The following MTCL1 variants were observed in gnomAD, a reference collection of about 807,000 sequenced individuals.
MTCL1 encodes microtubule crosslinking factor 1.
Under a neutral mutation model 141.4 loss-of-function variants are expected in MTCL1, and 79 were observed. The observed-to-expected ratio is 0.56, with a 90% CI of 0.47 to 0.67. The LOEUF (loss-of-function observed/expected upper bound fraction) is 0.67. MTCL1 is among the 30% of genes least tolerant of loss of function. The probability of loss-of-function intolerance (pLI) is 0.00; values close to 1 mark genes in which losing one functional copy is unlikely to be tolerated. For missense variants in MTCL1, 2,177 were observed against 2,113.9 expected (o/e 1.03, Z -0.59); for synonymous variants, 914 against 875.8 (o/e 1.04, Z -0.77).
chr18:8,824,981 A>C, exon 15 of MTCL1: 6 of 1,613,422 alleles, frequency 3.7e-6, no homozygotes, highest in Non-Finnish European at 5.1e-6. Flanking sequence ...CCTGGTACCT[A>C]ACCACAAGTG....
intron 16 of MTCL1, chr18:8,831,276 G>A (rs1403211214): frequency 1.6e-5 from 18 of 1,131,280 alleles, no homozygotes; most frequent in Non-Finnish European, 1.6e-5. Context: ...ATGATGAAGT[G>A]GCCTGTGGAG....
intron 14 of MTCL1, among the ~76,000 whole-genome samples, chr18:8,821,834 T>TTTTGTATG (rs2076855929): frequency 6.6e-6 from 1 of 152,200 alleles, no homozygotes; most frequent in Non-Finnish European, 1.5e-5. Context: ...CTGGGAAAAC[T>TTTTGTATG]CTCTTTTGTA....
At chr18:8,827,758 A>G (rs959667273) in intron 15 of MTCL1, among the ~76,000 whole-genome samples, 4 of 152,238 alleles carry the variant, frequency 2.6e-5, no homozygotes, top group Admixed American at 2.6e-4. Flanking sequence ...CCAAATAGAA[A>G]TTATTCTTTA....
chr18:8,776,577 T>G (rs1226209384), intron 4 of MTCL1, among the ~76,000 whole-genome samples: 1 of 152,174 alleles, frequency 6.6e-6, no homozygotes, highest in African/African-American at 2.4e-5. Context: ...TTATGAGCTT[T>G]GTAAGATCTT....
In MTCL1 at chr18:8,830,647, A is replaced by G; in HGVS notation, c.*19-960A>G. On this transcript the variant is annotated intron_variant, in intron 16 of 16. Coordinates refer to ENST00000359865, the Ensembl canonical transcript of MTCL1. The surrounding 1 kb of genome is among the most constrained non-coding windows in gnomAD (Gnocchi z 6.4). ...TCTTTGAGGGTCCTTGTTCTCTGTC[A>G]TCCTTCCTGTGCCTTCCATTCAGTT... 3 of 985,548 alleles carry G rather than the reference A, an allele frequency of 3.0e-6. No individual in the cohort carries two copies. The highest frequency in any genetic ancestry group is 3.6e-6 in the Non-Finnish European group (3 of 830,080). 61.1% of individuals were successfully genotyped at this position (985,548 alleles called of 1,614,324 possible).
Position 8,793,219 on chromosome 18 carries a change from G to T in MTCL1, c.2010+99G>T, listed in dbSNP as rs556580161. 12 of 1,526,992 alleles carry T rather than the reference G, an allele frequency of 7.9e-6. No individual in the cohort carries two copies. The African/African-American group carries it at 9.6e-5, about 12-fold the overall frequency. 94.6% of individuals were successfully genotyped at this position (1,526,992 alleles called of 1,614,324 possible). On this transcript the variant is annotated intron_variant, in intron 8 of 16. Coordinates refer to ENST00000359865, the Ensembl canonical transcript of MTCL1. ...ATTTTCAAAGAAGGCTGTCTGTTGC[G>T]TACAGGCTGCTAGACTCCTGGGCAC... is the stretch of plus-strand genomic sequence containing the variant.
At chr18:8,710,837 CTTTT>C (rs59041416) in intron 1 of MTCL1, among the ~76,000 whole-genome samples, 35,694 of 81,108 alleles carry the variant, frequency 0.44, 4,553 homozygotes, top group East Asian at 0.58. Flanking sequence ...GGAAGGCTTT[CTTTT>C]TTTTTTTTTT....
chr18:8,742,943 C>G lies in MTCL1; in HGVS notation c.357+22447C>G, dbSNP rs141331326. On this transcript the variant is annotated intron_variant, in intron 4 of 16. Transcript: ENST00000359865. ...CATGGACCTGTATGCCTTTGACTTT[C>G]ACTTTGAGGTTGGCAATAGAAGTTA... 1.2e-4 allele frequency among the ~76,000 whole-genome samples: 19 copies of G among 152,338 alleles called. No individual in the cohort carries two copies. In the East Asian group the frequency reaches 3.3e-3, roughly 26 times the overall value.
At chr18:8,738,920 G>A (rs925357988) in intron 4 of MTCL1, among the ~76,000 whole-genome samples, 1 of 152,054 alleles carries the variant, frequency 6.6e-6, no homozygotes, top group African/African-American at 2.4e-5. Flanking sequence ...GTATATTTTG[G>A]TGCATGTCAC....
intron 4 of MTCL1, among the ~76,000 whole-genome samples, chr18:8,729,989 CTT>C (rs2096242184): frequency 6.6e-6 from 1 of 152,064 alleles, no homozygotes; most frequent in African/African-American, 2.4e-5. Context: ...TGCTATGAAA[CTT>C]AGGTCAAGCT....
rs1474848551 is a variant in MTCL1 at position 8,831,463 on chromosome 18, G to A, written c.*19-144G>A. The stretch of plus-strand genomic sequence containing the variant: ...TATTATTTTAAGTTATTCTGCATGA[G>A]CATAGAAAGTAGTTAATATTCACGA... On this transcript the variant is annotated intron_variant, in intron 16 of 16. Coordinates refer to ENST00000359865, the Ensembl canonical transcript of MTCL1. 5 of 1,441,574 alleles carry A rather than the reference G, an allele frequency of 3.5e-6. No homozygotes were observed. In the East Asian group the frequency reaches 1.0e-4, roughly 29 times the overall value. 89.3% of individuals were successfully genotyped at this position (1,441,574 alleles called of 1,614,324 possible).
intron 13 of MTCL1, among the ~76,000 whole-genome samples, chr18:8,821,083 A>ACTCT (rs143749385): frequency 6.7e-6 from 1 of 149,142 alleles, no homozygotes; most frequent in East Asian, 2.0e-4. Flanking sequence ...ACACATGCAC[A>ACTCT]CTCTCTCTCT....
chr18:8,764,285 A>C (rs1279453642), intron 4 of MTCL1, among the ~76,000 whole-genome samples: 1 of 152,150 alleles, frequency 6.6e-6, no homozygotes, highest in Admixed American at 6.5e-5. Flanking sequence ...TTGATCTTTA[A>C]AAGAATGCTT....
chr18:8,786,163 T>C, intron 7 of MTCL1, 72 bp downstream of exon 6: 4 of 1,391,784 alleles, frequency 2.9e-6, no homozygotes, highest in Non-Finnish European at 3.8e-6. Context: ...TGTGTGACGT[T>C]TTCTGTCCCG....
rs71356268 is a variant in MTCL1, at chr18:8,805,102, A to AATATATATATATATATATATAT, written c.2437-1774_2437-1773insTATATATATATATATATATATA. On this transcript the variant is annotated intron_variant, in intron 10 of 16. Coordinates refer to ENST00000359865, the Ensembl canonical transcript of MTCL1. ...TCTTTTTAATACAACTTTATTTTTGAATATATATATATATATAGAATTTTA... is the reference window on the plus strand; with the variant it reads ...TCTTTTTAATACAACTTTATTTTTGAATATATATATATATATATATATATATATATATATATATAGAATTTTA... Among the ~76,000 whole-genome samples the AATATATATATATATATATATAT allele has an allele frequency of 6.5e-3, 950 of 146,172 alleles. 9 individuals are homozygous for AATATATATATATATATATATAT. The highest frequency in any genetic ancestry group is 0.019 in the African/African-American group (754 of 38,806).
At chr18:8,713,090 G>A (rs593582), upstream of MTCL1, among the ~76,000 whole-genome samples, 42,893 of 151,838 alleles carry the variant, frequency 0.28, 6,891 homozygotes, top group East Asian at 0.58. Flanking sequence ...TTTTAATCTT[G>A]GTTTACTCTA....
intron 4 of MTCL1, among the ~76,000 whole-genome samples, chr18:8,733,595 G>T (rs1279843181): frequency 2.0e-5 from 3 of 152,052 alleles, no homozygotes; most frequent in Non-Finnish European, 4.4e-5. Flanking sequence ...TAGTAGAGAT[G>T]GGGTTTCACC....
At chr18:8,723,469 G>A (rs367620001) in intron 4 of MTCL1, among the ~76,000 whole-genome samples, 42 of 152,308 alleles carry the variant, frequency 2.8e-4, no homozygotes, top group African/African-American at 9.9e-4. Flanking sequence ...TGTGTTGTGT[G>A]TGTCTGAGCA....
chr18:8,829,128 AG>A (rs2077118630), intron 16 of MTCL1: 1 of 985,376 alleles, frequency 1.0e-6, no homozygotes, highest in Non-Finnish European at 1.2e-6. Flanking sequence ...CAGATTGATA[AG>A]GCCAGAGACT....
Sources: gnomAD v4.1 joint callset for allele counts (sites outside exome capture counted in the v4.1 genomes callset) on GRCh38, gnomAD v4.1.1 for gene constraint, Gnocchi (gnomAD v3.1) non-coding constraint, MANE v1.5 for transcripts, NCBI Gene and HGNC (gene_info 2026-07-23, HGNC 2026-07-21) for gene names.